Variants in MANBA observed in about 807,000 individuals in gnomAD.
The protein encoded by MANBA is mannosidase beta.
Under a neutral mutation model 111.1 loss-of-function variants are expected in MANBA, and 83 were observed. The ratio of observed to expected loss-of-function variants is 0.75; its 90% CI spans 0.63 to 0.90. MANBA has a LOEUF of 0.90. Among genes scored for constraint, MANBA ranks in the 40% least tolerant of loss-of-function variants. MANBA has a pLI of 0.00. For missense variants in MANBA, 1,036 were observed against 1,069.0 expected, an observed-to-expected ratio of 0.97 and a Z score of 0.43; for synonymous variants, 370 against 378.7, an observed-to-expected ratio of 0.98 and a Z score of 0.27.
chr4:102,722,038 A>G (rs1324585939), intron 4 of MANBA, among the ~76,000 whole-genome samples: 1 of 151,294 alleles, frequency 6.6e-6, no homozygotes, highest in Non-Finnish European at 1.5e-5. Context: ...TCAAAAAAAA[A>G]AAAAAAAAAA....
chr4:102,729,055 C>G (rs1560802344), intron 1 of MANBA: 16 of 826,622 alleles, frequency 1.9e-5, no homozygotes, highest in Non-Finnish European at 3.0e-5. Flanking sequence ...GTTCCTGGTA[C>G]TCAAGCAGTT....
At chr4:102,671,775 G>A in intron 8 of MANBA, 2 of 426,392 alleles carry the variant, frequency 4.7e-6, no homozygotes, top group Non-Finnish European at 4.1e-6. Context: ...TTAGTGCCTA[G>A]CACCCCTATC....
intron 7 of MANBA, among the ~76,000 whole-genome samples, chr4:102,688,174 G>A (rs1732302937): frequency 6.6e-6 from 1 of 152,046 alleles, no homozygotes; most frequent in Non-Finnish European, 1.5e-5. Context: ...CAAACTCACT[G>A]TGTGAGACAG....
chr4:102,710,062 TGAG>T (rs1391014741), intron 5 of MANBA, among the ~76,000 whole-genome samples: 2 of 152,006 alleles, frequency 1.3e-5, no homozygotes, highest in East Asian at 3.9e-4. Context: ...TCACACCAAA[TGAG>T]GAGGAGCTGA....
At chr4:102,756,499 G>C (rs555177371) in intron 1 of MANBA, among the ~76,000 whole-genome samples, 6 of 152,180 alleles carry the variant, frequency 3.9e-5, no homozygotes, top group African/African-American at 1.2e-4. Context: ...GGGAGGGATA[G>C]CATTAGGAGA....
intron 2 of MANBA, among the ~76,000 whole-genome samples, chr4:102,724,264 A>C (rs1048069073): frequency 6.6e-6 from 1 of 152,232 alleles, no homozygotes; most frequent in South Asian, 2.1e-4. Flanking sequence ...AGCTATTATG[A>C]GAACCAAGTT....
At chr4:102,747,619 T>C (rs989878802) in intron 1 of MANBA, among the ~76,000 whole-genome samples, 3 of 152,232 alleles carry the variant, frequency 2.0e-5, no homozygotes, top group African/African-American at 4.8e-5. Flanking sequence ...CTCTGTCAAA[T>C]AGGATCTTCA....
intron 13 of MANBA, among the ~76,000 whole-genome samples, chr4:102,642,694 T>G (rs1729935958): frequency 6.6e-6 from 1 of 152,196 alleles, no homozygotes; most frequent in African/African-American, 2.4e-5. Flanking sequence ...ACAGATGGTA[T>G]GGTGAGAAGA....
chr4:102,737,561 C>A (rs1401519122), intron 1 of MANBA, among the ~76,000 whole-genome samples: 1 of 152,096 alleles, frequency 6.6e-6, no homozygotes, highest in African/African-American at 2.4e-5. Context: ...CTGCTCACTG[C>A]AAGCTCCGCC....
chr4:102,648,313 T>C (rs563061450), intron 13 of MANBA, among the ~76,000 whole-genome samples: 3 of 152,188 alleles, frequency 2.0e-5, no homozygotes, highest in Admixed American at 6.6e-5. Flanking sequence ...AAAATTGGAA[T>C]ACGATATAAC....
intron 13 of MANBA, among the ~76,000 whole-genome samples, chr4:102,649,799 T>A (rs537504046): frequency 5.4e-4 from 82 of 152,324 alleles, no homozygotes; most frequent in Non-Finnish European, 9.6e-4. Flanking sequence ...ATGTTCTATA[T>A]AAAAACTCTC....
rs565137335 is a variant in MANBA at position 102,760,804 on chromosome 4, T to A, written c.91A>T (p.Ile31Phe). 1.3e-6 allele frequency: 2 copies of A among 1,559,718 alleles called. No homozygotes were observed. The highest frequency in any genetic ancestry group is 1.4e-5 in the African/African-American group (1 of 73,772). Residue 31 changes from isoleucine (I) to phenylalanine (F), a missense_variant, in exon 1 of 17, where the codon ATC (isoleucine) becomes TTC (phenylalanine). By Grantham distance (21) the Ile-to-Phe change is conservative. Transcript: ENST00000647097. ...TCCAGCGAGCCGTTCCCATTGCAGA[T>A]GCTCCAGTTGCCACGCAAGCTGTAA... ...LSYSLRGNWS[I>F]CNGNGSLELP...
At chr4:102,752,201 T>A (rs570147022) in intron 1 of MANBA, 6 of 844,412 alleles carry the variant, frequency 7.1e-6, no homozygotes, top group Admixed American at 1.7e-5. Flanking sequence ...CTGCAGTGCA[T>A]CTTGGGACCA....
At chr4:102,706,904 T>C (rs571655473) in intron 5 of MANBA, among the ~76,000 whole-genome samples, 2 of 152,234 alleles carry the variant, frequency 1.3e-5, no homozygotes, top group East Asian at 3.9e-4. Flanking sequence ...ATAAAAAAGA[T>C]TGACAAAAGA....
intron 11 of MANBA, among the ~76,000 whole-genome samples, chr4:102,660,503 G>A (rs1394094028): frequency 1.3e-5 from 2 of 152,022 alleles, no homozygotes; most frequent in Non-Finnish European, 2.9e-5. Context: ...TGCCCAGGCT[G>A]GAGTGCAGTG....
At position 102,664,882 on chromosome 4, in the gene MANBA, T is replaced by A. The variant is rs771241215; in HGVS notation, c.1318-30A>T. The A allele has an allele frequency of 3.9e-6, 6 of 1,525,256 alleles. No homozygotes were observed. In the Admixed American group the frequency reaches 1.0e-4, roughly 26 times the overall value. The allele number at this position is 1,525,256 out of a possible 1,614,324, so 94.5% of individuals were successfully genotyped here. On this transcript the variant is annotated intron_variant, in intron 10 of 16. Transcript: ENST00000647097. ...AAATTAAGAAAACATAAAATGATTTTCAAAGAGTTAACATAAAAAATTCAG... is the reference window on the plus strand; with the variant it reads ...AAATTAAGAAAACATAAAATGATTTACAAAGAGTTAACATAAAAAATTCAG...
At chr4:102,711,049 G>A (rs1365680022) in intron 5 of MANBA, among the ~76,000 whole-genome samples, 2 of 152,030 alleles carry the variant, frequency 1.3e-5, no homozygotes, top group African/African-American at 2.4e-5. Context: ...TCAAGACATC[G>A]ATCTAGACAA....
chr4:102,700,258 T>TTA (rs1732960754), intron 5 of MANBA, among the ~76,000 whole-genome samples: 1 of 152,184 alleles, frequency 6.6e-6, no homozygotes, highest in Non-Finnish European at 1.5e-5. Context: ...TTTTTTTCTT[T>TTA]ATTAGTCTTG....
intron 1 of MANBA, chr4:102,734,699 C>A: frequency 2.2e-6 from 2 of 921,712 alleles, no homozygotes; most frequent in African/African-American, 1.7e-5. Flanking sequence ...TTCCCCCTCT[C>A]CATCCCAGGT....
Sources: allele counts gnomAD v4.1 joint callset (sites outside exome capture counted in the v4.1 genomes callset), GRCh38; gene constraint gnomAD v4.1.1; transcripts MANE v1.5; gene names NCBI Gene and HGNC (gene_info 2026-07-23, HGNC 2026-07-21).